MYT1L: variants seen among roughly 807,000 people sequenced by gnomAD.
MYT1L encodes myelin transcription factor 1-like protein.
A neutral mutation model predicts 126.7 loss-of-function variants in MYT1L; 12 were observed. That is an observed-to-expected ratio of 0.09 (90% CI 0.06 to 0.15). MYT1L has a LOEUF of 0.15. Among genes scored for constraint, MYT1L ranks in the 10% least tolerant of loss-of-function variants. The pLI is 1.00. For synonymous variants in MYT1L, 541 were observed against 604.2 expected, an observed-to-expected ratio of 0.90 and a Z score of 1.53; for missense variants, 979 against 1,585.2, an observed-to-expected ratio of 0.62 and a Z score of 6.49.
rs116293447 is a variant in MYT1L at position 2,224,825 on chromosome 2, A to C, written c.-420-51837T>G. ...CAGAGCAAGACTCCGTCTCAAAAGA[A>C]AAAAAAAAAAAGGAAAATAAATGTT... is the stretch of plus-strand genomic sequence containing the variant. On this transcript the variant is annotated intron_variant, in intron 2 of 24. Transcript: ENST00000647738. This position sits in a 1 kb window ranked among gnomAD's most constrained non-coding sequence, Gnocchi z 4.0. Among the ~76,000 whole-genome samples the C allele has an allele frequency of 0.69, 100,730 of 146,080 alleles. 34,128 individuals carry two copies. The highest frequency in any genetic ancestry group is 0.77 in the East Asian group (3,817 of 4,974).
At chr2:2,123,283 A>G (rs1415057661) in intron 3 of MYT1L, among the ~76,000 whole-genome samples, 4 of 152,336 alleles carry the variant, frequency 2.6e-5, no homozygotes, top group African/African-American at 9.6e-5. Context: ...CAGAAAAGAA[A>G]TCCCTAAAGC....
At position 2,232,555 on chromosome 2, in the gene MYT1L, T is replaced by C. The variant is rs188301802; in HGVS notation, c.-421+51849A>G. Among the ~76,000 whole-genome samples the C allele has an allele frequency of 1.2e-4, 19 of 152,326 alleles. No homozygotes were observed. The East Asian group carries it at 1.7e-3, about 14-fold the overall frequency. On this transcript the variant is annotated intron_variant, in intron 2 of 24. Transcript: ENST00000647738. ...AAGGCTTCTATGAGTTTTTGAACTA[T>C]GGACAATATGTGAATGTTGGATGTT...
At chr2:2,294,289 A>T (rs1039842278) in intron 1 of MYT1L, among the ~76,000 whole-genome samples, 11 of 152,160 alleles carry the variant, frequency 7.2e-5, no homozygotes, top group Non-Finnish European at 1.2e-4. Context: ...AGCCCCTGGC[A>T]TCCTCTCAAC....
chr2:2,144,670 G>A (rs2084600831), intron 3 of MYT1L, among the ~76,000 whole-genome samples: 1 of 152,150 alleles, frequency 6.6e-6, no homozygotes, highest in Admixed American at 6.5e-5. Context: ...GTCCAGCTAT[G>A]TGGTCATCGG....
chr2:2,328,267 A>G (rs937879870), intron 1 of MYT1L, among the ~76,000 whole-genome samples: 1 of 152,250 alleles, frequency 6.6e-6, no homozygotes, highest in Non-Finnish European at 1.5e-5. Context: ...AGACAGTGAA[A>G]TAATTGGGTA....
At position 2,259,250 on chromosome 2, in the gene MYT1L, CGGGGGAG is replaced by C. The variant is rs1409048820; in HGVS notation, c.-421+25147_-421+25153del. Among the ~76,000 whole-genome samples, 3 of 102,148 alleles carry C rather than the reference CGGGGGAG, an allele frequency of 2.9e-5. No individual in the cohort carries two copies. In the Admixed American group the frequency reaches 3.0e-4, roughly 10 times the overall value. The allele number at this position is 102,148 out of a possible 152,430, so 67.0% of individuals were successfully genotyped here. A position where few individuals can be genotyped will look rare whatever the true frequency, so the allele number is the denominator to read the frequency against. Reference sequence around the variant, plus strand: ...CACACTCTGGGGACTGTGGTGGGGTCGGGGGAGGGGGGAGGGATAGCATTGGGAGATA... The same window carrying C: ...CACACTCTGGGGACTGTGGTGGGGTCGGGGGAGGGATAGCATTGGGAGATA... On this transcript the variant is annotated intron_variant, in intron 2 of 24. Transcript: ENST00000647738.
intron 23 of MYT1L, among the ~76,000 whole-genome samples, chr2:1,796,325 T>C (rs917913382): frequency 6.6e-6 from 1 of 152,190 alleles, no homozygotes; most frequent in African/African-American, 2.4e-5. Context: ...CCCAAGGCGT[T>C]AGCAGTGGGG....
intron 3 of MYT1L, among the ~76,000 whole-genome samples, chr2:2,143,461 T>C (rs1461345941): frequency 6.6e-6 from 1 of 152,116 alleles, no homozygotes; most frequent in Non-Finnish European, 1.5e-5. Flanking sequence ...GCAATTCTAT[T>C]GGTCAGGGAT....
chr2:2,050,164 CA>C (rs1446651725), intron 4 of MYT1L, among the ~76,000 whole-genome samples: 1 of 151,510 alleles, frequency 6.6e-6, no homozygotes, highest in South Asian at 2.1e-4. Flanking sequence ...TTCTGTTTTA[CA>C]AAAAAAAGAA....
intron 3 of MYT1L, among the ~76,000 whole-genome samples, chr2:2,160,703 T>C (rs1286839685): frequency 6.6e-6 from 1 of 152,174 alleles, no homozygotes; most frequent in East Asian, 1.9e-4. Flanking sequence ...ACCACCAGTT[T>C]GCAGGAAACT....
rs7561518 is a variant in MYT1L at position 1,979,847 on chromosome 2, A to G, written c.1-70T>C. The stretch of plus-strand genomic sequence containing the variant: ...CAGGCCAGCCCTGCAGGGGCGGCTC[A>G]CTCTCCCTGGCATTCTATTAATGGG... On this transcript the variant is annotated intron_variant, in intron 5 of 24. Transcript: ENST00000647738. The surrounding 1 kb of genome is among the most constrained non-coding windows in gnomAD (Gnocchi z 4.0). 518,121 of 1,518,796 alleles carry G rather than the reference A, an allele frequency of 0.34. 95,019 individuals carry two copies. Among genetic ancestry groups the G allele is most frequent in the African/African-American group, 0.73 (53,399 of 73,218 alleles). 94.1% of individuals were successfully genotyped at this position (1,518,796 alleles called of 1,614,324 possible). A position where few individuals can be genotyped will look rare whatever the true frequency, so the allele number is the denominator to read the frequency against.
chr2:2,004,179 C>CT (rs1200877920), intron 4 of MYT1L, among the ~76,000 whole-genome samples: 10 of 139,150 alleles, frequency 7.2e-5, no homozygotes, highest in Non-Finnish European at 4.6e-5. Flanking sequence ...TCCTGCGTGC[C>CT]TCCTTTCCTG....
Position 2,038,450 on chromosome 2 carries a change from C to G in MYT1L, c.-158+15528G>C, listed in dbSNP as rs1458334860. Among the ~76,000 whole-genome samples, 7 of 152,222 alleles carry G rather than the reference C, an allele frequency of 4.6e-5. No homozygotes were observed. In the South Asian group the frequency reaches 1.0e-3, roughly 23 times the overall value. On this transcript the variant is annotated intron_variant, in intron 4 of 24. Transcript: ENST00000647738. ...GACTTCTCCTTCCTGCCATCACCACCCTCCTTCAACCATTACTCAATGGTT... is the reference window on the plus strand; with the variant it reads ...GACTTCTCCTTCCTGCCATCACCACGCTCCTTCAACCATTACTCAATGGTT...
chr2:2,052,663 G>C (rs536424446), intron 4 of MYT1L, among the ~76,000 whole-genome samples: 2 of 152,112 alleles, frequency 1.3e-5, no homozygotes, highest in Non-Finnish European at 2.9e-5. Flanking sequence ...TAAACACATG[G>C]AAAGATGCTT....
chr2:1,799,232 T>G (rs1385379134), intron 23 of MYT1L, among the ~76,000 whole-genome samples: 1 of 152,210 alleles, frequency 6.6e-6, no homozygotes, highest in Non-Finnish European at 1.5e-5. Context: ...CAACTACTCA[T>G]CTCAGAGATA....
chr2:1,923,767 G>A (rs2053869504), intron 9 of MYT1L, among the ~76,000 whole-genome samples: 1 of 152,158 alleles, frequency 6.6e-6, no homozygotes. Flanking sequence ...ACAGAGGACA[G>A]CCTCAGGTTC....
chr2:2,159,680 C>T (rs1298254459), intron 3 of MYT1L, among the ~76,000 whole-genome samples: 1 of 152,056 alleles, frequency 6.6e-6, no homozygotes, highest in Non-Finnish European at 1.5e-5. Context: ...TTGAATATCT[C>T]TTCAAAGGAC....
At chr2:1,909,871 G>T (rs2051667879) in intron 13 of MYT1L, among the ~76,000 whole-genome samples, 1 of 152,168 alleles carries the variant, frequency 6.6e-6, no homozygotes, top group South Asian at 2.1e-4. Flanking sequence ...TAGTTGGTGT[G>T]AGGCCCTATC....
intron 2 of MYT1L, among the ~76,000 whole-genome samples, chr2:2,179,339 T>A (rs755702420): frequency 5.3e-5 from 8 of 152,172 alleles, no homozygotes; most frequent in Non-Finnish European, 1.2e-4. Context: ...GGGAAGCCCC[T>A]AGGCTCAGAT....
Sources: gnomAD v4.1 joint callset for allele counts (sites outside exome capture counted in the v4.1 genomes callset) on GRCh38, gnomAD v4.1.1 for gene constraint, Gnocchi (gnomAD v3.1) non-coding constraint, MANE v1.5 for transcripts, NCBI Gene and HGNC (gene_info 2026-07-23, HGNC 2026-07-21) for gene names.